The following TNK2 variants were observed in gnomAD, a reference collection of about 807,000 sequenced individuals.
The protein encoded by TNK2 is activated CDC42 kinase 1.
In TNK2, 83 loss-of-function variants were observed where a neutral mutation model predicts 101.8. The observed-to-expected ratio is 0.82, with a 90% CI of 0.68 to 0.98. The LOEUF is 0.98. Ranked by LOEUF, TNK2 falls within the 50% of genes least tolerant of loss-of-function variation. TNK2 has a pLI of 0.00. For synonymous variants in TNK2, 804 were observed against 633.0 expected, an observed-to-expected ratio of 1.27 and a Z score of -4.06; for missense variants, 1,665 against 1,483.2, an observed-to-expected ratio of 1.12 and a Z score of -2.01.
intron 1 of TNK2, among the ~76,000 whole-genome samples, chr3:195,890,541 C>G (rs1373137655): frequency 1.3e-5 from 2 of 149,928 alleles, no homozygotes; most frequent in Non-Finnish European, 3.0e-5. Flanking sequence ...AACTCAGCCT[C>G]CCGGGTTCAG....
rs886520739 is a variant in TNK2, at chr3:195,867,434, G to C, written c.2864C>G (p.Thr955Ser). ...GCAGCCCCTCTGTGGCAGCCGAGCA[G>C]TGGCCCTCGGGGGTGGTGGCCGGGC... ...PGARPPPPRA[T>S]ARLPQRGCPG... Residue 955 changes from threonine (T) to serine (S), a missense_variant, in exon 13 of 16, where the codon ACT becomes AGT. Transcript: ENST00000672887. 2 of 1,598,912 alleles carry C rather than the reference G, an allele frequency of 1.3e-6. No individual in the cohort carries two copies. Among genetic ancestry groups the C allele is most frequent in the African/African-American group, 1.3e-5 (1 of 74,828 alleles).
intron 1 of TNK2, among the ~76,000 whole-genome samples, chr3:195,904,857 T>C (rs937047422): frequency 2.0e-5 from 3 of 152,154 alleles, no homozygotes; most frequent in African/African-American, 7.2e-5. Flanking sequence ...AAACAAAACC[T>C]AGACAAATAC....
rs58308269 is a variant in TNK2 at position 195,888,901 on chromosome 3, C to T, written c.-18-295G>A. 0.37 allele frequency among the ~76,000 whole-genome samples: 55,658 copies of T among 151,926 alleles called. 11,794 individuals are homozygous for T. The highest frequency in any genetic ancestry group is 0.6 in the African/African-American group (24,703 of 41,366). The stretch of plus-strand genomic sequence containing the variant: ...GTGACCCAAGATCAACCTGTGCTCA[C>T]ATTCCTGCTCTAAGTTTCTAGGGGT... On this transcript the variant is annotated intron_variant, in intron 1 of 15. Coordinates refer to ENST00000672887, the MANE Select transcript of TNK2 (RefSeq NM_001382273.1). This position sits in a 1 kb window ranked among gnomAD's most constrained non-coding sequence, Gnocchi z 5.3.
chr3:195,892,496 C>T (rs1375309147), intron 1 of TNK2: 2 of 1,535,386 alleles, frequency 1.3e-6, no homozygotes, highest in Admixed American at 2.0e-5. Flanking sequence ...CATCTCCACG[C>T]AGCGGGACCC....
At chr3:195,868,914 C>A (rs185748699) in intron 12 of TNK2, 2 of 596,896 alleles carry the variant, frequency 3.4e-6, no homozygotes, top group East Asian at 3.2e-5. Flanking sequence ...CTGCTCTGCC[C>A]GGCAGCCCCA....
At chr3:195,892,628 C>G in intron 1 of TNK2, 11 of 1,435,526 alleles carry the variant, frequency 7.7e-6, no homozygotes, top group Non-Finnish European at 9.1e-6. Context: ...CCCCTCCGCT[C>G]TGCTGCAAGC....
In TNK2 at chr3:195,870,212, G is replaced by A. The variant is rs374155986; in HGVS notation, c.1452-7C>T. 7.5e-5 allele frequency: 119 copies of A among 1,597,244 alleles called. No homozygotes were observed. Among genetic ancestry groups the A allele is most frequent in the South Asian group, 1.7e-4 (15 of 88,866 alleles). On this transcript the variant is annotated splice_polypyrimidine_tract_variant and splice_region_variant and intron_variant, in intron 10 of 15. Coordinates refer to ENST00000672887, the MANE Select transcript of TNK2 (RefSeq NM_001382273.1). The stretch of plus-strand genomic sequence containing the variant: ...GGGGTTTCCCAGATACAGTCTGTGG[G>A]GGAGAGAGCTGGGTCAAGAGAGCAG...
At chr3:195,865,440 G>A (rs560846503) in intron 15 of TNK2, among the ~76,000 whole-genome samples, 1 of 127,820 alleles carries the variant, frequency 7.8e-6, no homozygotes, top group Admixed American at 8.5e-5. Context: ...AATGACCCGA[G>A]ACAGGATGGG....
At chr3:195,880,634 C>T (rs539234162) in intron 6 of TNK2, among the ~76,000 whole-genome samples, 9 of 80,004 alleles carry the variant, frequency 1.1e-4, no homozygotes, top group Non-Finnish European at 1.6e-4. Context: ...CAGCAATGCC[C>T]CTTGAAGAGG....
intron 1 of TNK2, chr3:195,895,305 C>G: frequency 1.9e-6 from 3 of 1,576,046 alleles, no homozygotes; most frequent in Non-Finnish European, 2.6e-6. Context: ...CCCATGGAGC[C>G]CCAAATCCCA....
chr3:195,885,868 CA>C lies in TNK2; in HGVS notation c.235-836del. The C allele has an allele frequency of 3.1e-6, 1 of 318,268 alleles. No individual in the cohort carries two copies. The allele number at this position is 318,268 out of a possible 1,614,324, so 19.7% of individuals were successfully genotyped here. A position where few individuals can be genotyped will look rare whatever the true frequency, so the allele number is the denominator to read the frequency against. ...CTTGCCAGCTTGGGTCTCACGCCCCCAGAGCTGGTGGATCCTTATCCGTCTG... is the reference window on the plus strand; with the variant it reads ...CTTGCCAGCTTGGGTCTCACGCCCCCGAGCTGGTGGATCCTTATCCGTCTG... On this transcript the variant is annotated intron_variant, in intron 3 of 15. Transcript: ENST00000672887. This position sits in a 1 kb window ranked among gnomAD's most constrained non-coding sequence, Gnocchi z 4.7.
intron 10 of TNK2, among the ~76,000 whole-genome samples, chr3:195,871,007 T>G (rs943229900): frequency 4.0e-5 from 6 of 149,614 alleles, no homozygotes; most frequent in Non-Finnish European, 8.9e-5. Flanking sequence ...CTGTGTGGGT[T>G]CTGGTGTGTG....
intron 12 of TNK2, 151 bp from the exon 13 acceptor site, chr3:195,868,860 A>G (rs1742778263): frequency 2.2e-6 from 2 of 916,598 alleles, no homozygotes; most frequent in Non-Finnish European, 3.1e-6. Flanking sequence ...ACCGGCGGCC[A>G]GGTTCTCAGC....
chr3:195,867,415 CCT>C lies in TNK2; in HGVS notation c.2881_2882del (p.Arg961GlyfsTer106), dbSNP rs1560467825. 1 of 1,603,552 alleles carries C rather than the reference CCT, an allele frequency of 6.2e-7. No individual in the cohort carries two copies. Among genetic ancestry groups the C allele is most frequent in the Non-Finnish European group, 8.5e-7 (1 of 1,178,224 alleles). ...PPRATARLPQ[R>X]GCPGDGPEAG... ...CCTCTGGCCCATCGCCAGGGCAGCCCCTCTGTGGCAGCCGAGCAGTGGCCCTC... is the reference window on the plus strand; with the variant it reads ...CCTCTGGCCCATCGCCAGGGCAGCCCCTGTGGCAGCCGAGCAGTGGCCCTC... On this transcript the variant is annotated frameshift_variant, in exon 13 of 16. Transcript: ENST00000672887. LOFTEE classifies it high-confidence loss of function.
intron 15 of TNK2, among the ~76,000 whole-genome samples, chr3:195,865,723 G>A (rs1740370486): frequency 6.6e-6 from 1 of 151,214 alleles, no homozygotes. Context: ...GGGACAGACA[G>A]GTGACAGGGA....
Position 195,867,705 on chromosome 3 carries a change from C to T in TNK2, c.2593G>A (p.Asp865Asn), listed in dbSNP as rs368791865. Residue 865 changes from aspartate (D) to asparagine (N), a missense_variant, in exon 13 of 16, where the codon GAT becomes AAT. Physicochemically the swap from Asp to Asn is conservative, Grantham distance 23. This residue lies in a region of TNK2 where 1,136 missense variants were observed against 894.9 expected (regional missense o/e 1.27). Coordinates refer to ENST00000672887, the MANE Select transcript of TNK2 (RefSeq NM_001382273.1). ...TGGGTGCTGCTGACCTTCTTGCCAT[C>T]CCGGACGATGGGCAGGATGCAGGGA... is the stretch of plus-strand genomic sequence containing the variant. ...AGPCILPIVR[D>N]GKKVSSTHYY... is the part of the protein sequence containing the mutation. 30 of 1,608,042 alleles carry T rather than the reference C, an allele frequency of 1.9e-5. No homozygotes were observed. In the African/African-American group the frequency reaches 3.7e-4, roughly 20 times the overall value.
At chr3:195,895,183 C>T in intron 1 of TNK2, 1 of 1,423,632 alleles carries the variant, frequency 7.0e-7, no homozygotes, top group Non-Finnish European at 9.3e-7. Context: ...CTGAGCCCGG[C>T]TCACAGCAGA....
Position 195,870,172 on chromosome 3 carries a change from G to A in TNK2, c.1485C>T (p.Asp495=). 1.3e-6 allele frequency: 2 copies of A among 1,525,394 alleles called. No individual in the cohort carries two copies. The highest frequency in any genetic ancestry group is 8.8e-7 in the Non-Finnish European group (1 of 1,130,146). 94.5% of individuals were successfully genotyped at this position (1,525,394 alleles called of 1,614,324 possible). Residue 495 remains aspartate, a synonymous_variant, in exon 11 of 16, where the codon GAC becomes GAT. Coordinates refer to ENST00000672887, the MANE Select transcript of TNK2 (RefSeq NM_001382273.1). ...AGGTGCTCAGTTCCACGCTCAGGAG[G>A]TCGGGGGGGTCCATGGGGTTTCCCA... The part of the protein sequence containing the change: ...LYLGNPMDPP[D]LLSVELSTSR...
chr3:195,870,337 C>A, intron 10 of TNK2, 132 bp from the exon 11 acceptor site: 2 of 1,525,728 alleles, frequency 1.3e-6, no homozygotes, highest in Non-Finnish European at 1.8e-6. Flanking sequence ...TCCCGCCTCC[C>A]AGTCCACAGA....
Sources: gnomAD v4.1 joint callset for allele counts (sites outside exome capture counted in the v4.1 genomes callset) on GRCh38, gnomAD v4.1.1 for gene constraint, gnomAD v4.1.1 regional missense constraint, Gnocchi (gnomAD v3.1) non-coding constraint, MANE v1.5 for transcripts, NCBI Gene and HGNC (gene_info 2026-07-23, HGNC 2026-07-21) for gene names.